DPYD: variants seen among roughly 807,000 people sequenced by gnomAD.
The protein encoded by DPYD is dihydropyrimidine dehydrogenase, also known as dihydropyrimidine dehydrogenase [NADP(+)].
Under a neutral mutation model 116.2 loss-of-function variants are expected in DPYD, and 109 were observed. That is an observed-to-expected ratio of 0.94 (90% CI 0.80 to 1.10). The LOEUF (loss-of-function observed/expected upper bound fraction) is 1.10. Among genes scored for constraint, DPYD ranks in the 50% least tolerant of loss-of-function variants. The pLI is 0.00. For missense variants in DPYD, 1,302 were observed against 1,254.5 expected, an observed-to-expected ratio of 1.04 and a Z score of -0.57; for synonymous variants, 440 against 432.0, an observed-to-expected ratio of 1.02 and a Z score of -0.23.
intron 16 of DPYD, among the ~76,000 whole-genome samples, chr1:97,329,473 G>A (rs6661380): frequency 0.31 from 46,552 of 151,856 alleles, 7,399 homozygotes; most frequent in Middle Eastern, 0.35. Flanking sequence ...GAGGCTGGGC[G>A]CAGTGGTTTA....
At chr1:97,761,414 C>T (rs962170423) in intron 3 of DPYD, among the ~76,000 whole-genome samples, 5 of 151,790 alleles carry the variant, frequency 3.3e-5, no homozygotes, top group Admixed American at 2.6e-4. Flanking sequence ...ATATATGAAA[C>T]AAAATGAGCA....
intron 10 of DPYD, chr1:97,585,752 G>A (rs1389213556): frequency 2.0e-5 from 3 of 151,988 alleles, no homozygotes; most frequent in East Asian, 1.9e-4. Context: ...ATTGAAAAGC[G>A]GAGGTGAATA....
intron 18 of DPYD, among the ~76,000 whole-genome samples, chr1:97,251,495 T>C (rs776606968): frequency 1.3e-5 from 2 of 151,308 alleles, no homozygotes; most frequent in African/African-American, 4.8e-5. Flanking sequence ...CTACAGTACA[T>C]CATGTAAGGT....
rs1656203622 is a variant in DPYD, at chr1:97,164,884, AT to A, written c.2622+28184del. On this transcript the variant is annotated intron_variant, in intron 20 of 22. Coordinates refer to ENST00000370192, the MANE Select transcript of DPYD (RefSeq NM_000110.4). Reference sequence around the variant, plus strand: ...GTACAGATTCTTTTTTTTTTTTTGTATTTTTAGTAGAGATGCGGTTTCACCA... The same window carrying A: ...GTACAGATTCTTTTTTTTTTTTTGTATTTTAGTAGAGATGCGGTTTCACCA... 2.1e-5 allele frequency among the ~76,000 whole-genome samples: 3 copies of A among 143,204 alleles called. No homozygotes were observed. In the South Asian group the frequency reaches 6.9e-4, roughly 33 times the overall value. 93.9% of individuals were successfully genotyped at this position (143,204 alleles called of 152,430 possible). A position where few individuals can be genotyped will look rare whatever the true frequency, so the allele number is the denominator to read the frequency against.
chr1:97,125,723 G>A (rs1652783324), intron 20 of DPYD, among the ~76,000 whole-genome samples: 2 of 152,058 alleles, frequency 1.3e-5, no homozygotes, highest in Admixed American at 1.3e-4. Context: ...AAAGATCTTA[G>A]AAAGACCCCT....
intron 18 of DPYD, among the ~76,000 whole-genome samples, chr1:97,286,866 T>C (rs1255495428): frequency 6.6e-6 from 1 of 152,212 alleles, no homozygotes; most frequent in Non-Finnish European, 1.5e-5. Flanking sequence ...TTGGTTTGAA[T>C]TTCCTCCTGT....
chr1:97,919,419 T>C (rs1674386078), intron 1 of DPYD, among the ~76,000 whole-genome samples: 1 of 152,216 alleles, frequency 6.6e-6, no homozygotes. Flanking sequence ...CAGTAGAATG[T>C]AAGAACTGAT....
At chr1:97,105,431 T>C (rs561843250) in intron 20 of DPYD, among the ~76,000 whole-genome samples, 2 of 152,110 alleles carry the variant, frequency 1.3e-5, no homozygotes, top group African/African-American at 4.8e-5. Flanking sequence ...TCCTCCTCCA[T>C]AGTCTTTATC....
At chr1:97,229,887 A>G (rs1036710298) in intron 19 of DPYD, among the ~76,000 whole-genome samples, 2 of 152,126 alleles carry the variant, frequency 1.3e-5, no homozygotes, top group African/African-American at 4.8e-5. Context: ...AGCTAGAGCT[A>G]AAGAGATAAT....
intron 8 of DPYD, among the ~76,000 whole-genome samples, chr1:97,665,185 A>G (rs1571153824): frequency 6.6e-6 from 1 of 152,156 alleles, no homozygotes; most frequent in African/African-American, 2.4e-5. Context: ...CATTAACCAA[A>G]TATTTCTACA....
Position 97,171,113 on chromosome 1 carries a change from C to T in DPYD, c.2622+21956G>A, listed in dbSNP as rs186920512. On this transcript the variant is annotated intron_variant, in intron 20 of 22. Transcript: ENST00000370192. ...GATTTGTTGTAGAAAAGCTAAAAGTCAAGTAATATAACATACATGGGCAGA... is the reference window on the plus strand; with the variant it reads ...GATTTGTTGTAGAAAAGCTAAAAGTTAAGTAATATAACATACATGGGCAGA... Among the ~76,000 whole-genome samples, 152 of 152,132 alleles carry T rather than the reference C, an allele frequency of 1.0e-3. 1 individual carries two copies. Among genetic ancestry groups the T allele is most frequent in the African/African-American group, 3.5e-3 (146 of 41,490 alleles).
At chr1:97,562,409 G>A (rs897042545) in intron 11 of DPYD, among the ~76,000 whole-genome samples, 3 of 152,150 alleles carry the variant, frequency 2.0e-5, no homozygotes, top group Non-Finnish European at 4.4e-5. Flanking sequence ...TATGCAACAT[G>A]CTTGCCATTC....
rs555199450 is a variant in DPYD at position 97,854,078 on chromosome 1, C to T, written c.151-25882G>A. On this transcript the variant is annotated intron_variant, in intron 2 of 22. Coordinates refer to ENST00000370192, the MANE Select transcript of DPYD (RefSeq NM_000110.4). ...AGAATAAAAAGGAAATACCAATTCACCATTTCTATTATCCAGAAAATATAT... is the reference window on the plus strand; with the variant it reads ...AGAATAAAAAGGAAATACCAATTCATCATTTCTATTATCCAGAAAATATAT... 1.1e-4 allele frequency among the ~76,000 whole-genome samples: 16 copies of T among 152,290 alleles called. No homozygotes were observed. In the East Asian group the frequency reaches 2.9e-3, roughly 28 times the overall value.
intron 3 of DPYD, among the ~76,000 whole-genome samples, chr1:97,775,580 G>A (rs1469639989): frequency 6.6e-6 from 1 of 151,872 alleles, no homozygotes; most frequent in South Asian, 2.1e-4. Flanking sequence ...TTCTCTTTGG[G>A]GTATACCTAT....
intron 14 of DPYD, among the ~76,000 whole-genome samples, chr1:97,429,331 G>A (rs528579048): frequency 1.3e-5 from 2 of 152,092 alleles, no homozygotes; most frequent in East Asian, 3.9e-4. Context: ...ACCTAAAAAA[G>A]TGGTATGCTT....
In DPYD at chr1:97,876,374, A is replaced by G. The variant is rs567705379; in HGVS notation, c.150+6890T>C. ...GCCCTTTGGGCCAGTAACAGGGTGA[A>G]GTAAGTGAGGCACTGAGGCACTACA... On this transcript the variant is annotated intron_variant, in intron 2 of 22. Coordinates refer to ENST00000370192, the MANE Select transcript of DPYD (RefSeq NM_000110.4). 2.6e-5 allele frequency among the ~76,000 whole-genome samples: 4 copies of G among 152,122 alleles called. No individual in the cohort carries two copies. In the East Asian group the frequency reaches 7.8e-4, roughly 30 times the overall value.
At chr1:97,570,668 A>G (rs979814491) in intron 11 of DPYD, among the ~76,000 whole-genome samples, 1 of 151,940 alleles carries the variant, frequency 6.6e-6, no homozygotes, top group African/African-American at 2.4e-5. Flanking sequence ...ATTTGCAATA[A>G]TAGTGAATTT....
chr1:97,546,791 T>G, intron 12 of DPYD: 1 of 1,613,048 alleles, frequency 6.2e-7, no homozygotes, highest in East Asian at 2.2e-5. Flanking sequence ...GACTCCTATA[T>G]GGGTTTGGAT....
chr1:97,615,985 T>A (rs1656243609), intron 8 of DPYD, among the ~76,000 whole-genome samples: 1 of 152,216 alleles, frequency 6.6e-6, no homozygotes, highest in East Asian at 1.9e-4. Flanking sequence ...ATGAAGCATA[T>A]GATACGTTAA....
Sources: gnomAD v4.1 joint callset for allele counts (sites outside exome capture counted in the v4.1 genomes callset) on GRCh38, gnomAD v4.1.1 for gene constraint, MANE v1.5 for transcripts, NCBI Gene and HGNC (gene_info 2026-07-23, HGNC 2026-07-21) for gene names.